Variants in CECR2 observed in about 807,000 individuals in gnomAD.
CECR2 encodes the protein chromatin remodeling regulator CECR2.
Under a neutral mutation model 154.5 loss-of-function variants are expected in CECR2, and 30 were observed. The observed-to-expected ratio is 0.19, with a 90% CI of 0.15 to 0.26. The LOEUF is 0.26. Among genes scored for constraint, CECR2 ranks in the 10% least tolerant of loss-of-function variants. CECR2 has a pLI of 1.00. For synonymous variants in CECR2, 725 were observed against 683.7 expected, an observed-to-expected ratio of 1.06 and a Z score of -0.94; for missense variants, 1,743 against 1,829.3, an observed-to-expected ratio of 0.95 and a Z score of 0.86.
intron 2 of CECR2, among the ~76,000 whole-genome samples, chr22:17,494,049 C>T (rs923746426): frequency 6.6e-6 from 1 of 152,262 alleles, no homozygotes; most frequent in Non-Finnish European, 1.5e-5. Context: ...CTACACACTT[C>T]TGGCTACTAA....
At chr22:17,398,211 G>C (rs2053842012) in intron 1 of CECR2, among the ~76,000 whole-genome samples, 1 of 151,184 alleles carries the variant, frequency 6.6e-6, no homozygotes, top group Non-Finnish European at 1.5e-5. Context: ...AGTGGGGGGG[G>C]GTATTATAAA....
chr22:17,432,811 T>C (rs1160655564), intron 1 of CECR2, among the ~76,000 whole-genome samples: 1 of 152,176 alleles, frequency 6.6e-6, no homozygotes, highest in Non-Finnish European at 1.5e-5. Flanking sequence ...TTTATTTTTG[T>C]ATAGGCAGGG....
At chr22:17,540,123 G>A (rs1173231697) in intron 13 of CECR2, among the ~76,000 whole-genome samples, 1 of 152,124 alleles carries the variant, frequency 6.6e-6, no homozygotes, top group Non-Finnish European at 1.5e-5. Context: ...ATAAGTTACT[G>A]TGCTCAGCCT....
chr22:17,487,647 G>A (rs1157377074), intron 2 of CECR2, among the ~76,000 whole-genome samples: 3 of 152,144 alleles, frequency 2.0e-5, no homozygotes, highest in South Asian at 2.1e-4. Context: ...AGCCGAGATC[G>A]CGCCATGCAC....
intron 1 of CECR2, among the ~76,000 whole-genome samples, chr22:17,385,010 C>T (rs900366889): frequency 6.6e-6 from 1 of 152,206 alleles, no homozygotes; most frequent in African/African-American, 2.4e-5. Context: ...CACGAACCAA[C>T]CTCTGCTAGC....
At chr22:17,374,100 G>A (rs544843612) in intron 1 of CECR2, among the ~76,000 whole-genome samples, 28 of 152,300 alleles carry the variant, frequency 1.8e-4, no homozygotes, top group Non-Finnish European at 1.5e-4. Flanking sequence ...GTAGGTGGCC[G>A]TTGCAAAATG....
intron 16 of CECR2, among the ~76,000 whole-genome samples, chr22:17,544,809 C>CAAAAAAA (rs67994839): frequency 2.2e-5 from 1 of 45,618 alleles, no homozygotes; most frequent in Non-Finnish European, 3.8e-5. Flanking sequence ...GACTCTGTCT[C>CAAAAAAA]AAAAAAAAAA....
intron 1 of CECR2, among the ~76,000 whole-genome samples, chr22:17,459,360 C>T (rs970857503): frequency 1.3e-5 from 2 of 152,224 alleles, no homozygotes; most frequent in Non-Finnish European, 2.9e-5. Flanking sequence ...GGCATGACCA[C>T]AGCTCACTGC....
At chr22:17,391,836 C>T (rs1185098926) in intron 1 of CECR2, among the ~76,000 whole-genome samples, 2 of 152,174 alleles carry the variant, frequency 1.3e-5, no homozygotes, top group Non-Finnish European at 2.9e-5. Flanking sequence ...CGGAGTCTCA[C>T]ACTCTTACAG....
At chr22:17,414,827 A>G (rs2054132836) in intron 1 of CECR2, among the ~76,000 whole-genome samples, 1 of 152,102 alleles carries the variant, frequency 6.6e-6, no homozygotes, top group African/African-American at 2.4e-5. Context: ...GGAGTGGATT[A>G]TAGCTAGTAC....
chr22:17,404,189 G>A (rs1487370914), intron 1 of CECR2, among the ~76,000 whole-genome samples: 2 of 149,490 alleles, frequency 1.3e-5, no homozygotes, highest in East Asian at 4.0e-4. Context: ...AACCCAGGAG[G>A]TGGAGGTTGC....
At chr22:17,381,138 C>T (rs1219987201) in intron 1 of CECR2, among the ~76,000 whole-genome samples, 2 of 152,134 alleles carry the variant, frequency 1.3e-5, no homozygotes, top group African/African-American at 2.4e-5. Flanking sequence ...AAAATTTCAC[C>T]TGTTGTCATA....
chr22:17,511,924 G>A (rs1416779720), intron 8 of CECR2, 28 bp downstream of exon 8: 3 of 1,521,058 alleles, frequency 2.0e-6, no homozygotes, highest in Non-Finnish European at 2.7e-6. Context: ...TAGCGAGGAG[G>A]AGCTTTCCTG....
intron 1 of CECR2, among the ~76,000 whole-genome samples, chr22:17,392,721 A>T (rs750013934): frequency 1.3e-5 from 2 of 151,940 alleles, no homozygotes; most frequent in Non-Finnish European, 2.9e-5. Flanking sequence ...TATTATTTAC[A>T]TACTATACAA....
intron 1 of CECR2, among the ~76,000 whole-genome samples, chr22:17,372,634 C>T (rs1362760623): frequency 1.3e-5 from 2 of 152,104 alleles, no homozygotes; most frequent in Non-Finnish European, 1.5e-5. Context: ...TGCCATTGCA[C>T]TGCAGCCTGG....
In CECR2 at chr22:17,549,352, C is replaced by T; in HGVS notation, c.4065C>T (p.Ala1355=). The change falls in exon 17 of 19, where the codon GCC becomes GCT. Residue 1355 remains alanine (A), a synonymous_variant. Coordinates refer to ENST00000262608, the MANE Select transcript of CECR2 (RefSeq NM_001290047.2). ...TGPPYTPQRP[A]SHFQPRAYSS... ...CTCCCTATACCCCTCAGCGGCCGGC[C>T]AGTCACTTTCAGCCCAGGGCTTACT... 4 of 1,613,932 alleles carry T rather than the reference C, an allele frequency of 2.5e-6. No individual in the cohort carries two copies. Among genetic ancestry groups the T allele is most frequent in the Non-Finnish European group, 3.4e-6 (4 of 1,179,868 alleles).
At position 17,540,617 on chromosome 22, in the gene CECR2, G is replaced by T; in HGVS notation, c.1701G>T (p.Gln567His). The T allele has an allele frequency of 6.2e-7, 1 of 1,613,810 alleles. No individual in the cohort carries two copies. The highest frequency in any genetic ancestry group is 8.5e-7 in the Non-Finnish European group (1 of 1,179,812). Residue 567 changes from glutamine (Q) to histidine (H), a missense_variant, in exon 14 of 19, where the codon CAG becomes CAT. By Grantham distance (24) the Gln-to-His change is conservative (BLOSUM62 0). Transcript: ENST00000262608. The part of the protein sequence containing the change: ...SRDPEGSSRK[Q>H]QPMENGGKSL... ...ACCCAGAAGGGTCCAGCAGGAAACA[G>T]CAGCCCATGGAGAATGGAGGAAAGT... is the stretch of plus-strand genomic sequence containing the variant.
intron 14 of CECR2, 126 bp downstream of exon 14, chr22:17,540,926 A>G: frequency 9.6e-7 from 1 of 1,046,060 alleles, no homozygotes. Flanking sequence ...TTTCCCTGTG[A>G]GTCCTTTGTT....
At chr22:17,478,759 T>C (rs967071083) in intron 2 of CECR2, among the ~76,000 whole-genome samples, 1 of 152,216 alleles carries the variant, frequency 6.6e-6, no homozygotes, top group African/African-American at 2.4e-5. Flanking sequence ...GAAGGAGATG[T>C]AAATGCTGTT....
Sources: allele counts gnomAD v4.1 joint callset (sites outside exome capture counted in the v4.1 genomes callset), GRCh38; gene constraint gnomAD v4.1.1; transcripts MANE v1.5; gene names NCBI Gene and HGNC (gene_info 2026-07-23, HGNC 2026-07-21).